Variants in CSF1R observed in about 807,000 individuals in gnomAD.
CSF1R encodes the protein colony stimulating factor 1 receptor.
CSF1R carries 40 observed loss-of-function variants against 110.0 expected under a neutral mutation model. That is an observed-to-expected ratio of 0.36 (90% CI 0.28 to 0.47). CSF1R has a LOEUF of 0.47. Ranked by LOEUF, CSF1R falls within the 20% of genes least tolerant of loss-of-function variation. The pLI is 0.99. For synonymous variants in CSF1R, 523 were observed against 503.4 expected, an observed-to-expected ratio of 1.04 and a Z score of -0.52; for missense variants, 1,052 against 1,253.0, an observed-to-expected ratio of 0.84 and a Z score of 2.42.
At position 150,057,354 on chromosome 5, in the gene CSF1R, T is replaced by A. The variant is rs1561906977; in HGVS notation, c.2252A>T (p.Glu751Val). The change falls in exon 16 of 21, where the codon GAG becomes GTG. Residue 751 changes from glutamate (E) to valine (V), a missense_variant. Coordinates refer to ENST00000675795, the MANE Select transcript of CSF1R (RefSeq NM_001288705.3). Reference sequence around the variant, plus strand: ...GGAGAAGTGAAGCAGGTCCCGGAGCTCCAGGGGCCGTCCATCCTCCTTGTC... The same window carrying A: ...GGAGAAGTGAAGCAGGTCCCGGAGCACCAGGGGCCGTCCATCCTCCTTGTC... Reference protein sequence around the residue: ...DLDKEDGRPLELRDLLHFSSQ... With the variant: ...DLDKEDGRPLVLRDLLHFSSQ... 2.5e-6 allele frequency: 4 copies of A among 1,614,020 alleles called. No homozygotes were observed.
intron 11 of CSF1R, 45 bp from the exon 12 acceptor site, chr5:150,061,640 C>T (rs377178221): frequency 6.2e-7 from 1 of 1,614,008 alleles, no homozygotes; most frequent in Non-Finnish European, 8.5e-7. Flanking sequence ...ACCAAAGGGC[C>T]TCTGTCCAAG....
intron 12 of CSF1R, 59 bp downstream of exon 12, chr5:150,061,432 A>G (rs1374989006): frequency 8.5e-5 from 85 of 999,246 alleles, no homozygotes; most frequent in East Asian, 1.5e-4. Context: ...CACCAGGGCC[A>G]GCCCACCCCC....
In CSF1R at chr5:150,073,520, G is replaced by A. The variant is rs150701704; in HGVS notation, c.890-27C>T. The A allele has an allele frequency of 1.7e-4, 264 of 1,598,760 alleles. No individual in the cohort carries two copies. In the East Asian group the frequency reaches 5.7e-3, roughly 35 times the overall value. ...TGGAAAGCAGAACACACAAGCATCT[G>A]GCATTAGTGGGAAGATGTCCTTGTT... On this transcript the variant is annotated intron_variant, in intron 5 of 20. Transcript: ENST00000675795.
rs1757032511 is a variant in CSF1R at position 150,053,667 on chromosome 5, C to T, written c.*402G>A. ...TCAGAGAGGGAGATCTCACTCTCTG[C>T]CAGTCTGTCTAGCCCCAAAGAGCCT... On this transcript the variant is annotated 3_prime_UTR_variant, in exon 21 of 21. Coordinates refer to ENST00000675795, the MANE Select transcript of CSF1R (RefSeq NM_001288705.3). 3 of 300,124 alleles carry T rather than the reference C, an allele frequency of 1.0e-5. No homozygotes were observed. In the South Asian group the frequency reaches 1.9e-4, roughly 19 times the overall value. 18.6% of individuals were successfully genotyped at this position (300,124 alleles called of 1,614,324 possible).
In CSF1R at chr5:150,073,819, A is replaced by AAC. The variant is rs576999417; in HGVS notation, c.890-328_890-327dup. On this transcript the variant is annotated intron_variant, in intron 5 of 20. Transcript: ENST00000675795. Reference sequence around the variant, plus strand: ...TTTGAAAAATTTTTGGCAGCAAGAAAACACACACACACATACACACACAAT... The same window carrying AAC: ...TTTGAAAAATTTTTGGCAGCAAGAAAACACACACACACACATACACACACAAT... Among the ~76,000 whole-genome samples, 54 of 152,228 alleles carry AAC rather than the reference A, an allele frequency of 3.5e-4. 1 individual carries two copies. In the South Asian group the frequency reaches 9.1e-3, roughly 26 times the overall value.
At chr5:150,112,760 T>C (rs1759763848) in intron 1 of CSF1R, among the ~76,000 whole-genome samples, 1 of 152,220 alleles carries the variant, frequency 6.6e-6, no homozygotes, top group South Asian at 2.1e-4. Context: ...GTGGCTCAGC[T>C]GCCCCTGAGT....
Position 150,060,991 on chromosome 5 carries a change from G to T in CSF1R, c.1859-19C>A, listed in dbSNP as rs772214750. 4 of 1,553,762 alleles carry T rather than the reference G, an allele frequency of 2.6e-6. No homozygotes were observed. The East Asian group carries it at 9.2e-5, about 36-fold the overall frequency. ...GCCGTGGCTGGGAGGAAGAACCACAGTCCCAAAGACAGGGAGAGGGCAGGA... is the reference window on the plus strand; with the variant it reads ...GCCGTGGCTGGGAGGAAGAACCACATTCCCAAAGACAGGGAGAGGGCAGGA... On this transcript the variant is annotated intron_variant, in intron 12 of 20. Coordinates refer to ENST00000675795, the MANE Select transcript of CSF1R (RefSeq NM_001288705.3).
intron 1 of CSF1R, among the ~76,000 whole-genome samples, chr5:150,107,822 A>G (rs753563553): frequency 5.9e-5 from 9 of 152,360 alleles, no homozygotes; most frequent in Non-Finnish European, 1.2e-4. Context: ...ATTGACTCAG[A>G]TCCAGTGAGA....
chr5:150,056,161 T>C, intron 17 of CSF1R, 24 bp from the exon 18 acceptor site: 1 of 1,614,126 alleles, frequency 6.2e-7, no homozygotes, highest in Non-Finnish European at 8.5e-7. Flanking sequence ...CCCCAGTTAT[T>C]TTGGGCCCCG....
At chr5:150,055,927 A>G in intron 18 of CSF1R, 99 bp downstream of exon 18, 1 of 1,092,442 alleles carries the variant, frequency 9.2e-7, no homozygotes, top group South Asian at 1.5e-5. Context: ...ACTCTCACCA[A>G]CCCTCGCTGT....
At chr5:150,067,940 C>T (rs1757846295) in intron 10 of CSF1R, among the ~76,000 whole-genome samples, 1 of 152,188 alleles carries the variant, frequency 6.6e-6, no homozygotes. Context: ...CCCCCTGCCT[C>T]AACCTCCCAA....
chr5:150,081,404 C>T (rs909216063), intron 1 of CSF1R, among the ~76,000 whole-genome samples: 2 of 152,112 alleles, frequency 1.3e-5, no homozygotes, highest in African/African-American at 4.8e-5. Context: ...TTTCTACCAC[C>T]GAATGAAGAA....
intron 1 of CSF1R, among the ~76,000 whole-genome samples, chr5:150,100,058 A>T (rs1053647914): frequency 1.3e-5 from 2 of 152,134 alleles, no homozygotes; most frequent in African/African-American, 4.8e-5. Context: ...CAAAATAAAG[A>T]TCGTAGTATC....
chr5:150,098,172 C>A (rs1759284594), intron 1 of CSF1R, among the ~76,000 whole-genome samples: 1 of 152,122 alleles, frequency 6.6e-6, no homozygotes, highest in Admixed American at 6.5e-5. Context: ...ACTGGAACAA[C>A]TGGCTATCCA....
At chr5:150,075,607 GTTTT>G (rs779400937) in intron 5 of CSF1R, among the ~76,000 whole-genome samples, 70 of 152,122 alleles carry the variant, frequency 4.6e-4, no homozygotes, top group Non-Finnish European at 8.2e-4. Context: ...TATATAATTT[GTTTT>G]TTTAATAATT....
At chr5:150,105,873 G>C (rs72832166) in intron 1 of CSF1R, among the ~76,000 whole-genome samples, 1 of 152,166 alleles carries the variant, frequency 6.6e-6, no homozygotes, top group Non-Finnish European at 1.5e-5. Flanking sequence ...ACCACAGCAG[G>C]CTCTTTCCAT....
intron 1 of CSF1R, among the ~76,000 whole-genome samples, chr5:150,103,729 G>A (rs1341692820): frequency 6.6e-6 from 1 of 152,200 alleles, no homozygotes; most frequent in Non-Finnish European, 1.5e-5. Flanking sequence ...AATCCCAGGA[G>A]AGGGAATAGC....
At chr5:150,104,885 CTT>C (rs202086102) in intron 1 of CSF1R, among the ~76,000 whole-genome samples, 4 of 145,908 alleles carry the variant, frequency 2.7e-5, no homozygotes, top group Non-Finnish European at 3.0e-5. Flanking sequence ...TTCATTTGTT[CTT>C]TTTTTTTTTG....
At chr5:150,094,365 C>A (rs1016287234) in intron 1 of CSF1R, 13 of 1,599,560 alleles carry the variant, frequency 8.1e-6, no homozygotes, top group African/African-American at 8.0e-5. Context: ...TAAGAAAAAG[C>A]GAAGGAATTT....
Sources: gnomAD v4.1 joint callset for allele counts (sites outside exome capture counted in the v4.1 genomes callset) on GRCh38, gnomAD v4.1.1 for gene constraint, MANE v1.5 for transcripts, NCBI Gene and HGNC (gene_info 2026-07-23, HGNC 2026-07-21) for gene names.